The following PLXNA4 variants were observed in gnomAD, a reference collection of about 807,000 sequenced individuals.
PLXNA4 encodes the protein plexin A4.
PLXNA4 carries 44 observed loss-of-function variants against 191.8 expected under a neutral mutation model. That is an observed-to-expected ratio of 0.23 (90% CI 0.18 to 0.29). PLXNA4 has a LOEUF of 0.29. Ranked by LOEUF, PLXNA4 falls within the 10% of genes least tolerant of loss-of-function variation. The pLI is 1.00. For missense variants in PLXNA4, 1,800 were observed against 2,488.8 expected, an observed-to-expected ratio of 0.72 and a Z score of 5.89; for synonymous variants, 1,082 against 1,009.5, an observed-to-expected ratio of 1.07 and a Z score of -1.36.
intron 1 of PLXNA4, among the ~76,000 whole-genome samples, chr7:132,568,440 T>C (rs1316119536): frequency 6.6e-6 from 1 of 152,186 alleles, no homozygotes; most frequent in East Asian, 1.9e-4. Flanking sequence ...CTGGGGCTCC[T>C]AATTGGAGTA....
intron 4 of PLXNA4, among the ~76,000 whole-genome samples, chr7:132,288,803 C>T (rs926974142): frequency 2.0e-5 from 3 of 152,156 alleles, no homozygotes; most frequent in Non-Finnish European, 2.9e-5. Context: ...GAGCCCAGCA[C>T]CTTTGGCTGC....
chr7:132,608,098 A>T (rs1370780320), intron 2 of PLXNA4, among the ~76,000 whole-genome samples: 5 of 151,740 alleles, frequency 3.3e-5, no homozygotes, highest in Non-Finnish European at 3.0e-5. Flanking sequence ...CATCCTCATC[A>T]CTATCACCAT....
intron 30 of PLXNA4, among the ~76,000 whole-genome samples, chr7:132,139,698 G>A (rs1160791108): frequency 6.6e-6 from 1 of 152,234 alleles, no homozygotes; most frequent in East Asian, 1.9e-4. Flanking sequence ...CTGTCTGAAA[G>A]TAACGCAAAT....
chr7:132,241,239 G>T, intron 4 of PLXNA4, 73 bp from the exon 5 acceptor site: 1 of 1,006,678 alleles, frequency 9.9e-7, no homozygotes, highest in Non-Finnish European at 1.5e-6. Context: ...AAGAGATGTT[G>T]CTCTAAATAT....
At chr7:132,553,615 G>A (rs556466288) in intron 1 of PLXNA4, among the ~76,000 whole-genome samples, 1 of 152,234 alleles carries the variant, frequency 6.6e-6, no homozygotes, top group African/African-American at 2.4e-5. Flanking sequence ...CTCCATTGAC[G>A]TGCTAAAAGT....
rs1435526957 is a variant in PLXNA4, at chr7:132,129,909, C to T, written c.*570G>A. The T allele has an allele frequency of 1.9e-5, 3 of 155,264 alleles. No individual in the cohort carries two copies. Among genetic ancestry groups the T allele is most frequent in the African/African-American group, 7.2e-5 (3 of 41,482 alleles). The allele number at this position is 155,264 out of a possible 1,614,324, so 9.6% of individuals were successfully genotyped here. A position where few individuals can be genotyped will look rare whatever the true frequency, so the allele number is the denominator to read the frequency against. ...ACACATGCCCTGCTCCAGCCACATG[C>T]AGGAGGTGTAGCCTTTCTTCTCACA... On this transcript the variant is annotated 3_prime_UTR_variant, in exon 32 of 32. Transcript: ENST00000321063.
chr7:132,414,061 G>A (rs1044346922), intron 3 of PLXNA4, among the ~76,000 whole-genome samples: 1 of 152,180 alleles, frequency 6.6e-6, no homozygotes, highest in Admixed American at 6.5e-5. Flanking sequence ...CATAATTTGG[G>A]GGAGCACTGG....
chr7:132,580,459 G>A (rs757676483), upstream of PLXNA4, among the ~76,000 whole-genome samples: 17 of 152,128 alleles, frequency 1.1e-4, no homozygotes, highest in South Asian at 2.1e-4. Context: ...TTGCCTGGTC[G>A]TGAAACTGGT....
intron 1 of PLXNA4, among the ~76,000 whole-genome samples, chr7:132,513,109 C>T (rs922426897): frequency 6.6e-6 from 1 of 152,138 alleles, no homozygotes; most frequent in African/African-American, 2.4e-5. Context: ...GGAGATGGGA[C>T]TCATTTATAG....
chr7:132,450,795 G>C (rs557543163), intron 3 of PLXNA4, among the ~76,000 whole-genome samples: 2 of 152,202 alleles, frequency 1.3e-5, no homozygotes, highest in South Asian at 4.1e-4. Flanking sequence ...GAGTATTTCT[G>C]TATGTCCATG....
At chr7:132,392,353 T>C (rs547488008) in intron 3 of PLXNA4, among the ~76,000 whole-genome samples, 4 of 152,204 alleles carry the variant, frequency 2.6e-5, no homozygotes, top group Non-Finnish European at 4.4e-5. Flanking sequence ...ACTAACCTTC[T>C]TGTAGTCTGT....
At chr7:132,177,168 CGAGT>C (rs537838021) in intron 20 of PLXNA4, among the ~76,000 whole-genome samples, 66 of 145,312 alleles carry the variant, frequency 4.5e-4, no homozygotes, top group African/African-American at 1.6e-3. Flanking sequence ...TGTGAGTGCA[CGAGT>C]GAGTGTATGT....
Position 132,136,424 on chromosome 7 carries a change from C to T in PLXNA4, c.5439-3225G>A, listed in dbSNP as rs577453404. 1.1e-4 allele frequency among the ~76,000 whole-genome samples: 16 copies of T among 152,354 alleles called. No individual in the cohort carries two copies. The East Asian group carries it at 1.7e-3, about 17-fold the overall frequency. On this transcript the variant is annotated intron_variant, in intron 30 of 31. Transcript: ENST00000321063. ...TCCAGGAAGTCCTTCAGGACCCCTCCGAGCTGCCCCAGGCCTGACCTGCTA... is the reference window on the plus strand; with the variant it reads ...TCCAGGAAGTCCTTCAGGACCCCTCTGAGCTGCCCCAGGCCTGACCTGCTA...
intron 25 of PLXNA4, among the ~76,000 whole-genome samples, chr7:132,158,788 G>A (rs1489765386): frequency 6.6e-6 from 1 of 152,140 alleles, no homozygotes; most frequent in Non-Finnish European, 1.5e-5. Context: ...CAGATCCTGG[G>A]GCTCCCCATG....
rs1234905435 is a variant in PLXNA4, at chr7:132,497,118, G to GCACA, written c.1189-7645_1189-7644insTGTG. Among the ~76,000 whole-genome samples, 32 of 86,304 alleles carry GCACA rather than the reference G, an allele frequency of 3.7e-4. 1 individual carries two copies. In the East Asian group the frequency reaches 5.8e-3, roughly 16 times the overall value. 56.6% of individuals were successfully genotyped at this position (86,304 alleles called of 152,430 possible). On this transcript the variant is annotated intron_variant, in intron 2 of 31. Transcript: ENST00000321063. ...ATTACACTTATGCACACTTGTGCACGCACGCACACACACACACACACACAC... is the reference window on the plus strand; with the variant it reads ...ATTACACTTATGCACACTTGTGCACGCACACACGCACACACACACACACACACAC...
chr7:132,555,516 A>G (rs1025146437), intron 1 of PLXNA4, among the ~76,000 whole-genome samples: 2 of 152,222 alleles, frequency 1.3e-5, no homozygotes, highest in Non-Finnish European at 2.9e-5. Context: ...TTTCAATAAT[A>G]TTACCTCTCC....
chr7:132,459,414 G>T (rs970458455), intron 3 of PLXNA4, among the ~76,000 whole-genome samples: 3 of 152,170 alleles, frequency 2.0e-5, no homozygotes, highest in Non-Finnish European at 2.9e-5. Context: ...AGAGGAGCTG[G>T]ATGCAAGTGG....
intron 3 of PLXNA4, among the ~76,000 whole-genome samples, chr7:132,405,871 T>C (rs1375091271): frequency 6.6e-6 from 1 of 152,172 alleles, no homozygotes; most frequent in Non-Finnish European, 1.5e-5. Context: ...GGAAAACAAG[T>C]CTTCCCCTTG....
intron 1 of PLXNA4, among the ~76,000 whole-genome samples, chr7:132,554,199 C>G (rs903239124): frequency 6.6e-6 from 1 of 152,194 alleles, no homozygotes; most frequent in Non-Finnish European, 1.5e-5. Context: ...CTAGTGAACA[C>G]AGGGCCTGTG....
Sources: allele counts gnomAD v4.1 joint callset (sites outside exome capture counted in the v4.1 genomes callset), GRCh38; gene constraint gnomAD v4.1.1; transcripts MANE v1.5; gene names NCBI Gene and HGNC (gene_info 2026-07-23, HGNC 2026-07-21).